The following MTUS2 variants were observed in gnomAD, a reference collection of about 807,000 sequenced individuals.
MTUS2 encodes microtubule-associated tumor suppressor candidate 2.
In MTUS2, 40 loss-of-function variants were observed where a neutral mutation model predicts 114.1. The observed-to-expected ratio is 0.35, with a 90% CI of 0.27 to 0.46. The LOEUF is 0.46. MTUS2 is among the 20% of genes least tolerant of loss of function. The pLI, the probability that MTUS2 is intolerant of heterozygous loss-of-function variation, is 1.00. For missense variants in MTUS2, 1,679 were observed against 1,705.4 expected (o/e 0.98, Z 0.27); for synonymous variants, 688 against 672.0 (o/e 1.02, Z -0.37).
intron 14 of MTUS2, among the ~76,000 whole-genome samples, chr13:29,498,982 A>C (rs1882725263): frequency 6.6e-6 from 1 of 152,178 alleles, no homozygotes; most frequent in South Asian, 2.1e-4. Context: ...GCCCTGGCCC[A>C]GTGCTTCCAG....
intron 5 of MTUS2, among the ~76,000 whole-genome samples, chr13:29,251,065 T>C (rs1350436036): frequency 1.3e-5 from 2 of 152,164 alleles, no homozygotes. Flanking sequence ...GTTCAAAGTG[T>C]AGAAAAAGAA....
chr13:29,295,345 G>T (rs1898893534), intron 6 of MTUS2, among the ~76,000 whole-genome samples: 1 of 152,056 alleles, frequency 6.6e-6, no homozygotes, highest in Non-Finnish European at 1.5e-5. Context: ...ATCTTATAGT[G>T]CCATAGAACA....
intron 2 of MTUS2, among the ~76,000 whole-genome samples, chr13:28,966,756 C>T (rs940399578): frequency 7.4e-6 from 1 of 134,334 alleles, no homozygotes; most frequent in Non-Finnish European, 1.6e-5. Flanking sequence ...AAACAAAGAA[C>T]TGATTATTAT....
At chr13:28,850,281 C>G (rs567055520) in intron 2 of MTUS2, among the ~76,000 whole-genome samples, 1 of 152,336 alleles carries the variant, frequency 6.6e-6, no homozygotes, top group East Asian at 1.9e-4. Context: ...GATACATTCC[C>G]CTCTGTATAG....
chr13:29,155,118 A>C (rs904038642), intron 5 of MTUS2, among the ~76,000 whole-genome samples: 1 of 152,226 alleles, frequency 6.6e-6, no homozygotes, highest in Admixed American at 6.5e-5. Flanking sequence ...TCTCATGGTT[A>C]GGAAGGTTGA....
At chr13:29,332,661 G>C (rs900180879) in intron 7 of MTUS2, among the ~76,000 whole-genome samples, 4 of 133,564 alleles carry the variant, frequency 3.0e-5, no homozygotes, top group Non-Finnish European at 4.7e-5. Context: ...CGGACACAGA[G>C]TCTCGCTCAG....
chr13:29,265,720 A>G (rs1897641363), intron 5 of MTUS2, among the ~76,000 whole-genome samples: 1 of 152,212 alleles, frequency 6.6e-6, no homozygotes, highest in Non-Finnish European at 1.5e-5. Context: ...TGGCAAAAGC[A>G]GGAGCAAGGA....
chr13:28,965,016 TGCAATCACCCCATG>T (rs1313432131), intron 2 of MTUS2, among the ~76,000 whole-genome samples: 1 of 152,074 alleles, frequency 6.6e-6, no homozygotes, highest in Non-Finnish European at 1.5e-5. Context: ...GCGCAGTAAT[TGCAATCACCCCATG>T]GCATATGTGT....
At chr13:28,974,714 T>G (rs933659570) in intron 2 of MTUS2, among the ~76,000 whole-genome samples, 2 of 152,170 alleles carry the variant, frequency 1.3e-5, no homozygotes, top group Admixed American at 6.5e-5. Context: ...AAAACATACT[T>G]GCTGTTTACC....
chr13:29,346,335 G>A (rs1351212102), intron 7 of MTUS2, among the ~76,000 whole-genome samples: 1 of 152,100 alleles, frequency 6.6e-6, no homozygotes, highest in African/African-American at 2.4e-5. Flanking sequence ...GGCAGATTTA[G>A]GCATGTCTGG....
chr13:29,024,630 G>T lies in MTUS2; in HGVS notation c.-69G>T. ...TTGAGAATTTCCTCTTAATCTGATT[G>T]CAGCTTGAAGGCAGCCCATTTCCAT... On this transcript the variant is annotated 5_prime_UTR_variant, in exon 3 of 16. Coordinates refer to ENST00000612955, the MANE Select transcript of MTUS2 (RefSeq NM_001033602.4). The T allele has an allele frequency of 6.5e-7, 1 of 1,549,850 alleles. No individual in the cohort carries two copies. The highest frequency in any genetic ancestry group is 8.7e-7 in the Non-Finnish European group (1 of 1,147,348).
In MTUS2 at chr13:28,930,286, G is replaced by A. The variant is rs563868760; in HGVS notation, c.-243+90436G>A. 2.5e-3 allele frequency among the ~76,000 whole-genome samples: 384 copies of A among 152,184 alleles called. 1 individual carries two copies. The highest frequency in any genetic ancestry group is 4.4e-3 in the Non-Finnish European group (299 of 68,006). On this transcript the variant is annotated intron_variant, in intron 2 of 15. Coordinates refer to ENST00000612955, the MANE Select transcript of MTUS2 (RefSeq NM_001033602.4). Reference sequence around the variant, plus strand: ...GATTGTTCAGGCATAATTGGTCATCGGCAGCCTCGAGGCAGCTCTCCTACC... The same window carrying A: ...GATTGTTCAGGCATAATTGGTCATCAGCAGCCTCGAGGCAGCTCTCCTACC...
At chr13:29,389,567 G>C (rs370837162) in intron 8 of MTUS2, among the ~76,000 whole-genome samples, 1 of 49,482 alleles carries the variant, frequency 2.0e-5, no homozygotes, top group African/African-American at 7.0e-5. Flanking sequence ...GTGTATATGT[G>C]TACATATGTG....
intron 1 of MTUS2, among the ~76,000 whole-genome samples, chr13:28,832,579 C>G (rs1874765063): frequency 1.3e-5 from 2 of 149,330 alleles, no homozygotes; most frequent in Non-Finnish European, 3.0e-5. Flanking sequence ...TAACTTTACA[C>G]CTTAATAATG....
At chr13:29,490,340 T>C (rs1489257502) in intron 11 of MTUS2, among the ~76,000 whole-genome samples, 2 of 152,150 alleles carry the variant, frequency 1.3e-5, no homozygotes, top group African/African-American at 2.4e-5. Flanking sequence ...CCCAGAATGG[T>C]AATTGTCGGC....
At position 28,829,862 on chromosome 13, in the gene MTUS2, A is replaced by G. The variant is rs146836031; in HGVS notation, c.-316+9251A>G. 5.1e-3 allele frequency among the ~76,000 whole-genome samples: 779 copies of G among 152,360 alleles called. 3 individuals carry two copies. Among genetic ancestry groups the G allele is most frequent in the Middle Eastern group, 0.017 (5 of 294 alleles). On this transcript the variant is annotated intron_variant, in intron 1 of 15. Transcript: ENST00000612955. ...ACCTTTGATGTAGTCTTTGGAATCT[A>G]GAAGTCCCATGTCTGTATGTCCAGG...
In MTUS2 at chr13:29,024,734, C is replaced by A. The variant is rs1886431635; in HGVS notation, c.36C>A (p.Tyr12Ter). 6.2e-7 allele frequency: 1 copy of A among 1,613,882 alleles called. No individual in the cohort carries two copies. The highest frequency in any genetic ancestry group is 1.7e-5 in the Admixed American group (1 of 60,004). The change falls in exon 3 of 16, where the codon TAC becomes TAA. Residue 12 changes from tyrosine (Y) to a stop codon, truncating the protein, a stop_gained. Coordinates refer to ENST00000612955, the MANE Select transcript of MTUS2 (RefSeq NM_001033602.4). LOFTEE classifies it high-confidence loss of function. ...SVPVAPKKSC[Y>*]TQLRDNRNAA... is the part of the protein sequence containing the mutation. The stretch of plus-strand genomic sequence containing the variant: ...CAGTGGCTCCTAAGAAATCATGTTA[C>A]ACTCAGTTGCGGGACAACAGAAATG...
At chr13:29,401,274 G>T (rs923164935) in intron 8 of MTUS2, among the ~76,000 whole-genome samples, 1 of 152,146 alleles carries the variant, frequency 6.6e-6, no homozygotes, top group Non-Finnish European at 1.5e-5. Flanking sequence ...AAAGTGCTGG[G>T]ATTACAGGTG....
At position 28,946,926 on chromosome 13, in the gene MTUS2, A is replaced by G. The variant is rs78756259; in HGVS notation, c.-242-77531A>G. Among the ~76,000 whole-genome samples, 820 of 152,300 alleles carry G rather than the reference A, an allele frequency of 5.4e-3. 5 individuals carry two copies. Among genetic ancestry groups the G allele is most frequent in the African/African-American group, 0.018 (751 of 41,550 alleles). ...ATGTAGAAGTCATTTTCCTTTGTAG[A>G]GAGCTTTAGCATTCCCAAAGCACCT... On this transcript the variant is annotated intron_variant, in intron 2 of 15. Coordinates refer to ENST00000612955, the MANE Select transcript of MTUS2 (RefSeq NM_001033602.4).
Sources: gnomAD v4.1 joint callset for allele counts (sites outside exome capture counted in the v4.1 genomes callset) on GRCh38, gnomAD v4.1.1 for gene constraint, MANE v1.5 for transcripts, NCBI Gene and HGNC (gene_info 2026-07-23, HGNC 2026-07-21) for gene names.